The following MAF variants were observed in gnomAD, a reference collection of about 807,000 sequenced individuals.
The protein encoded by MAF is transcription factor Maf.
In MAF, 10 loss-of-function variants were observed where a neutral mutation model predicts 22.0. The observed-to-expected ratio is 0.45, with a 90% CI of 0.28 to 0.77. The LOEUF is 0.77. Ranked by LOEUF, MAF falls within the 30% of genes least tolerant of loss-of-function variation. The probability of loss-of-function intolerance (pLI) is 0.12; values close to 1 mark genes in which losing one functional copy is unlikely to be tolerated. For missense variants in MAF, 544 were observed against 548.4 expected, an observed-to-expected ratio of 0.99 and a Z score of 0.08; for synonymous variants, 337 against 255.8, an observed-to-expected ratio of 1.32 and a Z score of -3.03.
chr16:79,477,730 T>A, the MAF span, among the ~76,000 whole-genome samples: 761 of 152,214 alleles, frequency 5.0e-3, 5 homozygotes, highest in Middle Eastern at 0.024. Context: ...ATTTTTTTTT[T>A]AAATTTTTTT....
At chr16:79,272,081 G>C in the MAF span, among the ~76,000 whole-genome samples, 23 of 152,250 alleles carry the variant, frequency 1.5e-4, 1 homozygote, top group African/African-American at 5.5e-4. Context: ...TTGGGTGGGG[G>C]GATGTCAATG....
chr16:79,212,816 T>A, the MAF span: 1 of 152,232 alleles, frequency 6.6e-6, no homozygotes, highest in Admixed American at 6.5e-5. Flanking sequence ...TTGTTTCTTC[T>A]CTGAGTGAGT....
At chr16:79,588,495 C>A (rs151176907) in intron 1 of MAF, among the ~76,000 whole-genome samples, 1 of 151,990 alleles carries the variant, frequency 6.6e-6, no homozygotes, top group South Asian at 2.1e-4. Context: ...AGTGCAGTGG[C>A]GCAATCTGGG....
chr16:79,579,456 T>G, the MAF span, among the ~76,000 whole-genome samples: 1 of 152,226 alleles, frequency 6.6e-6, no homozygotes, highest in Non-Finnish European at 1.5e-5. Flanking sequence ...TTCAAATATT[T>G]ATTTTATGAG....
the MAF span, among the ~76,000 whole-genome samples, chr16:79,246,737 T>C: frequency 2.6e-5 from 4 of 152,128 alleles, no homozygotes; most frequent in African/African-American, 7.2e-5. Context: ...GTGGGTGGAA[T>C]TGAGTCTAAG....
the MAF span, chr16:79,211,966 G>C: frequency 6.5e-7 from 1 of 1,535,132 alleles, no homozygotes; most frequent in South Asian, 1.2e-5. Flanking sequence ...GGGAAGCAGG[G>C]AATTCCTGGG....
At chr16:79,544,086 G>C in the MAF span, among the ~76,000 whole-genome samples, 2 of 152,106 alleles carry the variant, frequency 1.3e-5, no homozygotes, top group South Asian at 2.1e-4. Flanking sequence ...GTAAAATTAA[G>C]TTTTAAAAAG....
the MAF span, among the ~76,000 whole-genome samples, chr16:79,571,554 T>TTC: frequency 0.13 from 18,581 of 139,040 alleles, 1,620 homozygotes; most frequent in Non-Finnish European, 0.2. Flanking sequence ...TTTTTTTTTT[T>TTC]ACAAATGCAC....
the MAF span, among the ~76,000 whole-genome samples, chr16:79,390,489 T>A: frequency 1.3e-5 from 2 of 152,210 alleles, no homozygotes; most frequent in African/African-American, 4.8e-5. Context: ...ACAGTTTTTA[T>A]CTGCACAGAG....
chr16:79,377,669 T>C, the MAF span, among the ~76,000 whole-genome samples: 1 of 152,378 alleles, frequency 6.6e-6, no homozygotes, highest in East Asian at 1.9e-4. Context: ...AGGTCTAACA[T>C]GTAAGTCTTT....
At chr16:79,274,098 G>T in the MAF span, among the ~76,000 whole-genome samples, 11 of 151,936 alleles carry the variant, frequency 7.2e-5, no homozygotes, top group African/African-American at 2.7e-4. Context: ...TGGATTACAG[G>T]TATGCGCCAC....
At chr16:79,336,694 T>G in the MAF span, among the ~76,000 whole-genome samples, 1 of 152,210 alleles carries the variant, frequency 6.6e-6, no homozygotes, top group Non-Finnish European at 1.5e-5. Context: ...TAGTCAAGCA[T>G]TTCTTATTTT....
the MAF span, among the ~76,000 whole-genome samples, chr16:79,346,497 C>T: frequency 1.7e-3 from 257 of 152,074 alleles, no homozygotes; most frequent in African/African-American, 5.9e-3. Flanking sequence ...CTTTGTCTAA[C>T]GGCAAAGAAA....
At chr16:79,280,310 G>A in the MAF span, among the ~76,000 whole-genome samples, 1 of 152,228 alleles carries the variant, frequency 6.6e-6, no homozygotes, top group African/African-American at 2.4e-5. Flanking sequence ...CTCAACATTT[G>A]TGGGGACTGG....
the MAF span, among the ~76,000 whole-genome samples, chr16:79,534,513 G>A: frequency 1.3e-5 from 2 of 151,118 alleles, no homozygotes; most frequent in Admixed American, 6.6e-5. Context: ...CACCAAACCT[G>A]TGATTTACAG....
At chr16:79,357,497 T>C in the MAF span, among the ~76,000 whole-genome samples, 2 of 152,210 alleles carry the variant, frequency 1.3e-5, no homozygotes, top group Non-Finnish European at 2.9e-5. Flanking sequence ...GAAAGTCTCC[T>C]GAGCACTGTG....
At chr16:79,279,803 C>T in the MAF span, among the ~76,000 whole-genome samples, 5 of 151,920 alleles carry the variant, frequency 3.3e-5, no homozygotes, top group Admixed American at 6.6e-5. Flanking sequence ...TTTTTAACAA[C>T]CTGCTTATTG....
At chr16:79,592,385 G>A (rs1173651149), downstream of MAF, among the ~76,000 whole-genome samples, 1 of 152,196 alleles carries the variant, frequency 6.6e-6, no homozygotes, top group Non-Finnish European at 1.5e-5. Flanking sequence ...TTCAGGAGCT[G>A]GGGCGGAGCA....
At chr16:79,524,548 A>AGG in the MAF span, among the ~76,000 whole-genome samples, 1 of 152,176 alleles carries the variant, frequency 6.6e-6, no homozygotes, top group Non-Finnish European at 1.5e-5. Flanking sequence ...GCAGAACAAG[A>AGG]GTGTTTTACC....
Sources: gnomAD v4.1 joint callset for allele counts (sites outside exome capture counted in the v4.1 genomes callset) on GRCh38, gnomAD v4.1.1 for gene constraint, MANE v1.5 for transcripts, NCBI Gene and HGNC (gene_info 2026-07-23, HGNC 2026-07-21) for gene names.